TBC1D12: variants seen among roughly 807,000 people sequenced by gnomAD.
TBC1D12 encodes TBC1 domain family member 12.
Under a neutral mutation model 86.7 loss-of-function variants are expected in TBC1D12, and 56 were observed. That is an observed-to-expected ratio of 0.65 (90% CI 0.52 to 0.81). TBC1D12 has a LOEUF of 0.81. Ranked by LOEUF, TBC1D12 falls within the 30% of genes least tolerant of loss-of-function variation. The probability of loss-of-function intolerance (pLI) is 0.00; values close to 1 mark genes in which losing one functional copy is unlikely to be tolerated. For missense variants in TBC1D12, 1,023 were observed against 1,038.8 expected, an observed-to-expected ratio of 0.98 and a Z score of 0.21; for synonymous variants, 421 against 411.7, an observed-to-expected ratio of 1.02 and a Z score of -0.27.
At chr10:94,457,157 A>G (rs1199821272) in intron 2 of TBC1D12, among the ~76,000 whole-genome samples, 1 of 152,168 alleles carries the variant, frequency 6.6e-6, no homozygotes, top group African/African-American at 2.4e-5. Context: ...TTACGTAGGT[A>G]TGCATGTGCC....
chr10:94,420,254 C>T (rs560765339), intron 1 of TBC1D12, among the ~76,000 whole-genome samples: 1 of 152,184 alleles, frequency 6.6e-6, no homozygotes, highest in South Asian at 2.1e-4. Context: ...TGTCTGAAAA[C>T]AGAAGAGACT....
At chr10:94,526,471 A>G (rs905040882) in intron 11 of TBC1D12, among the ~76,000 whole-genome samples, 2 of 151,846 alleles carry the variant, frequency 1.3e-5, no homozygotes, top group Non-Finnish European at 2.9e-5. Flanking sequence ...AGTGACTAGC[A>G]TTTTTTAGCT....
chr10:94,511,942 C>G (rs1357928689), intron 9 of TBC1D12, among the ~76,000 whole-genome samples: 1 of 152,160 alleles, frequency 6.6e-6, no homozygotes, highest in East Asian at 1.9e-4. Context: ...CTTCCTAACC[C>G]TCTTTTCCAT....
At chr10:94,517,378 A>AAAAC (rs780495789) in intron 9 of TBC1D12, among the ~76,000 whole-genome samples, 2 of 152,224 alleles carry the variant, frequency 1.3e-5, no homozygotes, top group South Asian at 4.1e-4. Flanking sequence ...ACTCTGTCTC[A>AAAAC]AAACAAACAA....
chr10:94,482,415 A>G (rs1365717379), intron 3 of TBC1D12, among the ~76,000 whole-genome samples: 1 of 150,314 alleles, frequency 6.7e-6, no homozygotes, highest in African/African-American at 2.4e-5. Flanking sequence ...GACTATAGTC[A>G]CCCTGTTGTA....
intron 11 of TBC1D12, 46 bp downstream of exon 11, chr10:94,522,499 G>A (rs373754017): frequency 2.5e-5 from 21 of 848,296 alleles, no homozygotes; most frequent in East Asian, 1.8e-4. Flanking sequence ...AGGAAATAAA[G>A]TATAACTTTT....
At chr10:94,415,462 G>A (rs561884815) in intron 1 of TBC1D12, among the ~76,000 whole-genome samples, 5 of 152,240 alleles carry the variant, frequency 3.3e-5, no homozygotes, top group South Asian at 2.1e-4. Context: ...AGCCAGGCCC[G>A]GTGGCTCATG....
chr10:94,424,077 A>G (rs1348151784), intron 1 of TBC1D12, among the ~76,000 whole-genome samples: 1 of 152,236 alleles, frequency 6.6e-6, no homozygotes, highest in Non-Finnish European at 1.5e-5. Flanking sequence ...GATTTAAAGT[A>G]TACAAGAAGA....
intron 2 of TBC1D12, among the ~76,000 whole-genome samples, chr10:94,469,050 C>T (rs988139681): frequency 2.5e-4 from 38 of 152,072 alleles, no homozygotes; most frequent in African/African-American, 8.7e-4. Flanking sequence ...GAAAAAATTA[C>T]GTTAGATGTG....
intron 2 of TBC1D12, among the ~76,000 whole-genome samples, chr10:94,459,603 A>C (rs906687163): frequency 6.6e-6 from 1 of 151,874 alleles, no homozygotes; most frequent in Admixed American, 6.5e-5. Flanking sequence ...GGTTGGGGGG[A>C]GCTCGGGCAT....
chr10:94,478,023 A>T (rs1358356550), intron 3 of TBC1D12, among the ~76,000 whole-genome samples: 1 of 152,038 alleles, frequency 6.6e-6, no homozygotes, highest in Admixed American at 6.5e-5. Context: ...GCTCACATCT[A>T]TAATCCCAGG....
intron 2 of TBC1D12, among the ~76,000 whole-genome samples, chr10:94,472,796 T>C (rs1463409819): frequency 2.0e-5 from 3 of 152,148 alleles, no homozygotes; most frequent in Non-Finnish European, 2.9e-5. Flanking sequence ...GCTGTATGGT[T>C]CTTTGAGATG....
chr10:94,469,778 T>C (rs1304584686), intron 2 of TBC1D12, among the ~76,000 whole-genome samples: 2 of 152,114 alleles, frequency 1.3e-5, no homozygotes, highest in Non-Finnish European at 2.9e-5. Flanking sequence ...GGGCACTTTC[T>C]TTTCTACTAC....
At chr10:94,514,929 A>G (rs911342728) in intron 9 of TBC1D12, among the ~76,000 whole-genome samples, 5 of 121,160 alleles carry the variant, frequency 4.1e-5, no homozygotes, top group African/African-American at 9.9e-5. Flanking sequence ...TTTTTTTGAG[A>G]CGGAGTCTCA....
At chr10:94,452,457 T>G (rs1377175507) in intron 2 of TBC1D12, among the ~76,000 whole-genome samples, 1 of 152,066 alleles carries the variant, frequency 6.6e-6, no homozygotes, top group Non-Finnish European at 1.5e-5. Flanking sequence ...CCTCCTCCAA[T>G]CCCCTGGAAA....
At position 94,527,082 on chromosome 10, in the gene TBC1D12, T is replaced by TTGTGTGTGTGTGTGTGTGTGTGTG. The variant is rs60647037; in HGVS notation, c.2001-4119_2001-4096dup. On this transcript the variant is annotated intron_variant, in intron 11 of 12. Transcript: ENST00000225235. The stretch of plus-strand genomic sequence containing the variant: ...TTTGCCCATTTTTTAGCTGGATTGA[T>TTGTGTGTGTGTGTGTGTGTGTGTG]TGTGTGTGTGTGTGTGTGTGTGTGA... Among the ~76,000 whole-genome samples the TTGTGTGTGTGTGTGTGTGTGTGTG allele has an allele frequency of 3.4e-3, 497 of 148,314 alleles. 3 individuals are homozygous for TTGTGTGTGTGTGTGTGTGTGTGTG. Among genetic ancestry groups the TTGTGTGTGTGTGTGTGTGTGTGTG allele is most frequent in the African/African-American group, 0.012 (466 of 40,028 alleles).
chr10:94,499,823 G>A lies in TBC1D12; in HGVS notation c.1413-398G>A, dbSNP rs2056371345. ...GATCTATCTGACTTTAAAGCCGACA[G>A]TTTTTTTTAGCAGACTTTACTGCTT... On this transcript the variant is annotated intron_variant, in intron 5 of 12. Transcript: ENST00000225235. Among the ~76,000 whole-genome samples the A allele has an allele frequency of 4.6e-5, 7 of 152,048 alleles. 1 individual carries two copies. Among genetic ancestry groups the A allele is most frequent in the Admixed American group, 4.6e-4 (7 of 15,262 alleles).
intron 2 of TBC1D12, among the ~76,000 whole-genome samples, chr10:94,462,691 AATT>A (rs34342296): frequency 0.37 from 56,677 of 151,736 alleles, 11,006 homozygotes; most frequent in East Asian, 0.69. Flanking sequence ...ATTGCAATTA[AATT>A]ATTCATATTT....
intron 2 of TBC1D12, among the ~76,000 whole-genome samples, chr10:94,472,846 T>A (rs1218015455): frequency 6.6e-6 from 1 of 152,118 alleles, no homozygotes; most frequent in Non-Finnish European, 1.5e-5. Context: ...CTAAATAATT[T>A]GATAGAGGAG....
Sources: gnomAD v4.1 joint callset for allele counts (sites outside exome capture counted in the v4.1 genomes callset) on GRCh38, gnomAD v4.1.1 for gene constraint, MANE v1.5 for transcripts, NCBI Gene and HGNC (gene_info 2026-07-23, HGNC 2026-07-21) for gene names.